Variants in PDK1 observed in about 807,000 individuals in gnomAD.
PDK1 encodes pyruvate dehydrogenase kinase 1, also known as [Pyruvate dehydrogenase (acetyl-transferring)] kinase isozyme 1, mitochondrial.
PDK1 carries 39 observed loss-of-function variants against 54.2 expected under a neutral mutation model. That is an observed-to-expected ratio of 0.72 (90% CI 0.56 to 0.94). The LOEUF (loss-of-function observed/expected upper bound fraction) is 0.94. Ranked by LOEUF, PDK1 falls within the 40% of genes least tolerant of loss-of-function variation. PDK1 has a pLI of 0.00. For missense variants in PDK1, 552 were observed against 566.0 expected (o/e 0.98, Z 0.25); for synonymous variants, 221 against 207.1 (o/e 1.07, Z -0.58).
the PDK1 span, among the ~76,000 whole-genome samples, chr2:172,722,330 A>G: frequency 2.0e-5 from 3 of 152,224 alleles, no homozygotes; most frequent in African/African-American, 4.8e-5. Context: ...CAAATGGCCA[A>G]CCCTAACTAA....
chr2:172,587,956 A>G (rs978905328), intron 9 of PDK1, among the ~76,000 whole-genome samples: 1 of 152,114 alleles, frequency 6.6e-6, no homozygotes, highest in African/African-American at 2.4e-5. Flanking sequence ...GCTGATTGGT[A>G]TGTTTACGAT....
chr2:172,706,630 T>C, the PDK1 span, among the ~76,000 whole-genome samples: 1 of 152,168 alleles, frequency 6.6e-6, no homozygotes, highest in Non-Finnish European at 1.5e-5. Context: ...GGTCTCACTA[T>C]GTTGCCCAGG....
the PDK1 span, among the ~76,000 whole-genome samples, chr2:172,663,034 G>A: frequency 6.6e-6 from 1 of 152,200 alleles, no homozygotes; most frequent in Non-Finnish European, 1.5e-5. Context: ...TGGTGTATTA[G>A]TTTGCCAGGG....
chr2:172,660,245 CTCTTTTTTTTT>C, the PDK1 span, among the ~76,000 whole-genome samples: 8 of 55,630 alleles, frequency 1.4e-4, no homozygotes, highest in East Asian at 4.8e-4. Flanking sequence ...CTCTCTCTCT[CTCTTTTTTTTT>C]TTTTTTTTTT....
chr2:172,699,746 CT>C, the PDK1 span, among the ~76,000 whole-genome samples: 15 of 149,532 alleles, frequency 1.0e-4, no homozygotes, highest in Non-Finnish European at 1.8e-4. Context: ...TTTTCTTTTT[CT>C]TTTTTTATTA....
chr2:172,701,412 G>A, the PDK1 span, among the ~76,000 whole-genome samples: 42 of 152,346 alleles, frequency 2.8e-4, no homozygotes, highest in South Asian at 4.3e-3. Context: ...AGTCGCCTGA[G>A]TATTTGGGTT....
chr2:172,584,105 C>T (rs901864503), intron 8 of PDK1, among the ~76,000 whole-genome samples: 3 of 152,110 alleles, frequency 2.0e-5, no homozygotes, highest in East Asian at 1.9e-4. Context: ...ACATGCCTTA[C>T]GAACATATCA....
At chr2:172,704,528 G>A in the PDK1 span, among the ~76,000 whole-genome samples, 1 of 152,180 alleles carries the variant, frequency 6.6e-6, no homozygotes, top group African/African-American at 2.4e-5. Context: ...GAGCCCACAA[G>A]AGGGCAGTAT....
At chr2:172,642,895 C>T in the PDK1 span, among the ~76,000 whole-genome samples, 1 of 151,950 alleles carries the variant, frequency 6.6e-6, no homozygotes, top group Non-Finnish European at 1.5e-5. Context: ...TCCTTCTCTT[C>T]CTTCTTTTTC....
At chr2:172,655,251 C>T in the PDK1 span, among the ~76,000 whole-genome samples, 1 of 152,168 alleles carries the variant, frequency 6.6e-6, no homozygotes, top group African/African-American at 2.4e-5. Flanking sequence ...TCATCTGTCC[C>T]GAGGACCAGC....
the PDK1 span, among the ~76,000 whole-genome samples, chr2:172,655,696 G>A: frequency 6.6e-6 from 1 of 152,234 alleles, no homozygotes; most frequent in Non-Finnish European, 1.5e-5. Flanking sequence ...TGGGGAGCAG[G>A]CAGCTGGACA....
chr2:172,706,424 C>CTT, the PDK1 span, among the ~76,000 whole-genome samples: 6 of 141,358 alleles, frequency 4.2e-5, no homozygotes, highest in East Asian at 2.0e-4. Context: ...TGTCAATTGT[C>CTT]TTTTTTTTTT....
chr2:172,669,249 CG>C, the PDK1 span, among the ~76,000 whole-genome samples: 5 of 151,398 alleles, frequency 3.3e-5, no homozygotes, highest in African/African-American at 1.2e-4. Context: ...TTAGTAGAGA[CG>C]GGGTTTCACC....
At chr2:172,636,131 A>G in the PDK1 span, among the ~76,000 whole-genome samples, 3 of 152,234 alleles carry the variant, frequency 2.0e-5, no homozygotes, top group Non-Finnish European at 4.4e-5. Flanking sequence ...GAATCCTGTG[A>G]ACACAAATGA....
At chr2:172,575,300 T>A (rs1399617173) in intron 8 of PDK1, among the ~76,000 whole-genome samples, 3 of 152,216 alleles carry the variant, frequency 2.0e-5, no homozygotes. Flanking sequence ...GTGATGTGTT[T>A]GGTTTTAGTA....
At chr2:172,676,099 A>G in the PDK1 span, among the ~76,000 whole-genome samples, 10 of 152,130 alleles carry the variant, frequency 6.6e-5, no homozygotes, top group Non-Finnish European at 1.0e-4. Context: ...TCAGAAAAAA[A>G]TAGTTCTTTC....
chr2:172,653,753 T>C, the PDK1 span, among the ~76,000 whole-genome samples: 2 of 151,948 alleles, frequency 1.3e-5, no homozygotes, highest in Non-Finnish European at 2.9e-5. Context: ...GCAATGGCAA[T>C]AAAAGCCAAA....
chr2:172,567,069 TA>T (rs1340846146), intron 6 of PDK1, 136 bp downstream of exon 6: 6 of 499,830 alleles, frequency 1.2e-5, no homozygotes, highest in Non-Finnish European at 2.1e-5. Flanking sequence ...AGTAATCATG[TA>T]AAAAATATAT....
At chr2:172,626,423 T>G in the PDK1 span, among the ~76,000 whole-genome samples, 16 of 152,170 alleles carry the variant, frequency 1.1e-4, no homozygotes, top group African/African-American at 3.6e-4. Context: ...AGGAATGAAA[T>G]GAAATAACTG....
Sources: gnomAD v4.1 joint callset for allele counts (sites outside exome capture counted in the v4.1 genomes callset) on GRCh38, gnomAD v4.1.1 for gene constraint, MANE v1.5 for transcripts, NCBI Gene and HGNC (gene_info 2026-07-23, HGNC 2026-07-21) for gene names.